Variants in SEZ6L2 observed in about 807,000 individuals in gnomAD.
SEZ6L2 encodes seizure related 6 homolog like 2, also known as seizure 6-like protein 2.
A neutral mutation model predicts 97.0 loss-of-function variants in SEZ6L2; 44 were observed. That is an observed-to-expected ratio of 0.45 (90% CI 0.36 to 0.58). SEZ6L2 has a LOEUF of 0.58. SEZ6L2 is among the 20% of genes least tolerant of loss of function. SEZ6L2 has a pLI of 0.00. For missense variants in SEZ6L2, 1,086 were observed against 1,233.3 expected (o/e 0.88, Z 1.79); for synonymous variants, 543 against 546.1 (o/e 0.99, Z 0.08).
chr16:29,876,817 G>C lies in SEZ6L2; in HGVS notation c.2043C>G (p.Ser681=). 1.2e-6 allele frequency: 2 copies of C among 1,605,030 alleles called. No homozygotes were observed. The highest frequency in any genetic ancestry group is 2.3e-5 in the East Asian group (1 of 44,308). Residue 681 remains serine, a synonymous_variant, in exon 12 of 18, where the codon TCC becomes TCG. Transcript: ENST00000617533. This position sits in a 1 kb window ranked among gnomAD's most constrained non-coding sequence, Gnocchi z 6.5. ...QCEPGYELLG[S]DILTCQWDLS... ...GGTCCCACTGGCAAGTGAGAATGTC[G>C]GAGCCTAGCAGCTCGTAGCCAGGCT...
chr16:29,884,136 C>CG (rs543733116), intron 8 of SEZ6L2, among the ~76,000 whole-genome samples: 54 of 152,102 alleles, frequency 3.6e-4, no homozygotes, highest in Non-Finnish European at 6.9e-4. Context: ...GGGAAGGCCA[C>CG]GTGAGGCAGA....
At chr16:29,889,485 A>G (rs2150806061) in intron 5 of SEZ6L2, among the ~76,000 whole-genome samples, 1 of 151,966 alleles carries the variant, frequency 6.6e-6, no homozygotes, top group Non-Finnish European at 1.5e-5. Flanking sequence ...GTGAACACTG[A>G]GGCTCCAAGT....
rs548264227 is a variant in SEZ6L2, at chr16:29,888,475, G to C, written c.1039+65C>G. ...CAAAGGTGGACACCTGGACACCCCC[G>C]AGATAGGACCCTCCCAATGGGGTTC... is the stretch of plus-strand genomic sequence containing the variant. On this transcript the variant is annotated intron_variant, in intron 6 of 17. Transcript: ENST00000617533. 57 of 1,537,608 alleles carry C rather than the reference G, an allele frequency of 3.7e-5. No homozygotes were observed. In the East Asian group the frequency reaches 1.2e-3, roughly 33 times the overall value.
intron 7 of SEZ6L2, among the ~76,000 whole-genome samples, chr16:29,887,324 G>A (rs1415088383): frequency 5.4e-5 from 8 of 147,202 alleles, no homozygotes; most frequent in East Asian, 2.0e-4. Flanking sequence ...TTTTTGAGAC[G>A]GAGTCTCATT....
rs869025256 is a variant in SEZ6L2 at position 29,897,010 on chromosome 16, G to A, written c.323C>T (p.Thr108Ile). 1.3e-6 allele frequency: 2 copies of A among 1,584,276 alleles called. No homozygotes were observed. The highest frequency in any genetic ancestry group is 4.6e-5 in the East Asian group (2 of 43,940). Residue 108 changes from threonine (T) to isoleucine (I), a missense_variant, in exon 3 of 18, where the codon ACC (threonine) becomes ATC (isoleucine). By Grantham distance (89) the Thr-to-Ile change is moderately conservative. Coordinates refer to ENST00000617533, the MANE Select transcript of SEZ6L2 (RefSeq NM_001243332.2). The stretch of plus-strand genomic sequence containing the variant: ...GCCTGCCCCCCTGACCCCGTTAGGG[G>A]TGACGGCTGTTGTCAGAGGCCCTGT... Reference protein sequence around the residue: ...PGTGPLTTAVTPNGVRGAGPT... With the variant: ...PGTGPLTTAVIPNGVRGAGPT...
In SEZ6L2 at chr16:29,873,122, G is replaced by A. The variant is rs1486104467; in HGVS notation, c.2488+118C>T. ...CACCCGTGAGGACACGAGGCCACAG[G>A]AGGAGAACCGGGAGCTCTGTGGGGT... On this transcript the variant is annotated intron_variant, in intron 14 of 17. Coordinates refer to ENST00000617533, the MANE Select transcript of SEZ6L2 (RefSeq NM_001243332.2). This position sits in a 1 kb window ranked among gnomAD's most constrained non-coding sequence, Gnocchi z 4.3. 7 of 1,172,598 alleles carry A rather than the reference G, an allele frequency of 6.0e-6. No homozygotes were observed. Among genetic ancestry groups the A allele is most frequent in the Non-Finnish European group, 1.2e-6 (1 of 835,096 alleles). The allele number at this position is 1,172,598 out of a possible 1,614,324, so 72.6% of individuals were successfully genotyped here.
At chr16:29,877,581 C>T (rs1388624080) in intron 10 of SEZ6L2, 114 bp from the exon 11 acceptor site, 2 of 958,756 alleles carry the variant, frequency 2.1e-6, no homozygotes, top group Non-Finnish European at 3.0e-6. Context: ...CCAGCCCCGC[C>T]CATATTCTCC....
Position 29,897,108 on chromosome 16 carries a change from G to T in SEZ6L2, c.225C>A (p.Asp75Glu). The change falls in exon 3 of 18, where the codon GAC (aspartate) becomes GAA (glutamate). Residue 75 changes from aspartate (D) to glutamate (E), a missense_variant. Physicochemically the swap from Asp to Glu is conservative, Grantham distance 45 (BLOSUM62 2). Around this residue, in one of 2 missense-constraint regions of SEZ6L2, gnomAD observed 776 missense variants for 794.7 expected, o/e 0.98. Transcript: ENST00000617533. ...EMGYLPGSDR[D>E]PTLATPPAGQ... ...CGGCCGGAGGGGTGGCTAGCGTGGG[G>T]TCCCGATCAGATCCTGGGACAGTGC... 3.2e-6 allele frequency: 5 copies of T among 1,574,158 alleles called. No individual in the cohort carries two copies. The highest frequency in any genetic ancestry group is 4.3e-6 in the Non-Finnish European group (5 of 1,166,940).
intron 5 of SEZ6L2, among the ~76,000 whole-genome samples, chr16:29,889,397 C>T (rs1567422754): frequency 6.6e-6 from 1 of 151,976 alleles, no homozygotes; most frequent in African/African-American, 2.4e-5. Context: ...CGAGATCGTC[C>T]CATTGCACTC....
In SEZ6L2 at chr16:29,872,507, T is replaced by C. The variant is rs1567408722; in HGVS notation, c.2547A>G (p.Pro849=). 6.2e-7 allele frequency: 1 copy of C among 1,614,164 alleles called. No individual in the cohort carries two copies. Among genetic ancestry groups the C allele is most frequent in the Non-Finnish European group, 8.5e-7 (1 of 1,180,038 alleles). ...GGTTCCCCCCTTCCAGCTGCCGTGA[T>C]GGATCTGTGGTCTGGGTCACTACAG... ...RKLEVTQTTD[P]SRQLEGGNLA... is the part of the protein sequence containing the mutation. Residue 849 remains proline, a synonymous_variant, in exon 16 of 18, where the codon CCA becomes CCG. Coordinates refer to ENST00000617533, the MANE Select transcript of SEZ6L2 (RefSeq NM_001243332.2).
intron 1 of SEZ6L2, 149 bp downstream of exon 1, chr16:29,898,792 C>A: frequency 1.6e-6 from 1 of 626,044 alleles, no homozygotes; most frequent in Non-Finnish European, 2.8e-6. Context: ...CGGGTTCAAG[C>A]CTGAAAGCTC....
chr16:29,888,662 A>C lies in SEZ6L2; in HGVS notation c.917T>G (p.Leu306Arg). 2 of 1,614,020 alleles carry C rather than the reference A, an allele frequency of 1.2e-6. No homozygotes were observed. The highest frequency in any genetic ancestry group is 1.7e-6 in the Non-Finnish European group (2 of 1,179,952). ...AAAGGTGGCAGTGCCCCCAGGGTGC[A>C]GGTCCGTCACACTCACGTCCCCATG... ...PAHGDVSVTD[L>R]HPGGTATFHC... Residue 306 changes from leucine to arginine, a missense_variant, in exon 6 of 18, where the codon CTG (leucine) becomes CGG (arginine). By Grantham distance (102) the Leu-to-Arg change is moderately radical. Around this residue, in one of 2 missense-constraint regions of SEZ6L2, gnomAD observed 776 missense variants for 794.7 expected, o/e 0.98. Coordinates refer to ENST00000617533, the MANE Select transcript of SEZ6L2 (RefSeq NM_001243332.2).
intron 7 of SEZ6L2, 141 bp from the exon 8 acceptor site, chr16:29,885,890 T>TTC: frequency 1.5e-6 from 1 of 682,952 alleles, no homozygotes; most frequent in African/African-American, 1.8e-5. Flanking sequence ...CCCTTACACA[T>TTC]TCTATCTCAT....
At chr16:29,886,148 A>G (rs1003624011) in intron 7 of SEZ6L2, 1 of 155,962 alleles carries the variant, frequency 6.4e-6, no homozygotes, top group Non-Finnish European at 1.4e-5. Flanking sequence ...CGGGTGGATC[A>G]CCTGAAGTCA....
chr16:29,877,133 C>A (rs532846910), intron 11 of SEZ6L2, 138 bp downstream of exon 11: 1 of 1,127,306 alleles, frequency 8.9e-7, no homozygotes, highest in Admixed American at 2.9e-5. Flanking sequence ...CAGCCTCAAC[C>A]TCCTGGCTTC....
chr16:29,895,072 G>A (rs1371520913), intron 5 of SEZ6L2, among the ~76,000 whole-genome samples, 187 bp downstream of exon 5: 1 of 151,232 alleles, frequency 6.6e-6, no homozygotes, highest in African/African-American at 2.4e-5. Context: ...CCAGCTACTT[G>A]AGAGGCTGAG....
chr16:29,887,468 T>A (rs1031686116), intron 7 of SEZ6L2, among the ~76,000 whole-genome samples, 181 bp downstream of exon 7: 1 of 109,052 alleles, frequency 9.2e-6, no homozygotes. Context: ...GCCCGGCTAA[T>A]TTTTTTTTTT....
chr16:29,877,424 C>T lies in SEZ6L2; in HGVS notation c.1756G>A (p.Asp586Asn), dbSNP rs745491395. 8.7e-6 allele frequency: 14 copies of T among 1,609,966 alleles called. No homozygotes were observed. In the African/African-American group the frequency reaches 1.6e-4, roughly 18 times the overall value. ...EGDMLTLFDGDGPSARVLAQL... is the reference protein window; with the variant it reads ...EGDMLTLFDGNGPSARVLAQL... ...GCCAAGACTCGGGCGCTGGGACCGTCCCCGTCGAACAGCGTCAGCATGTCC... is the reference window on the plus strand; with the variant it reads ...GCCAAGACTCGGGCGCTGGGACCGTTCCCGTCGAACAGCGTCAGCATGTCC... The change falls in exon 11 of 18, where the codon GAC (aspartate) becomes AAC (asparagine). Residue 586 changes from aspartate to asparagine, a missense_variant. Asp to Asn is a conservative substitution (Grantham distance 23). Around this residue, in one of 2 missense-constraint regions of SEZ6L2, gnomAD observed 776 missense variants for 794.7 expected, o/e 0.98. Coordinates refer to ENST00000617533, the MANE Select transcript of SEZ6L2 (RefSeq NM_001243332.2).
chr16:29,893,175 T>A (rs906588401), intron 5 of SEZ6L2, among the ~76,000 whole-genome samples: 24 of 144,530 alleles, frequency 1.7e-4, no homozygotes, highest in Non-Finnish European at 2.9e-4. Context: ...AAATACAAAG[T>A]TAGCCGGGAG....
Sources: allele counts gnomAD v4.1 joint callset (sites outside exome capture counted in the v4.1 genomes callset), GRCh38; gene constraint gnomAD v4.1.1; regional missense constraint gnomAD v4.1.1; non-coding constraint Gnocchi (gnomAD v3.1); transcripts MANE v1.5; gene names NCBI Gene and HGNC (gene_info 2026-07-23, HGNC 2026-07-21).